Variants in CDH12 observed in about 807,000 individuals in gnomAD.
CDH12 encodes the protein cadherin 12.
Under a neutral mutation model 74.1 loss-of-function variants are expected in CDH12, and 41 were observed. The ratio of observed to expected loss-of-function variants is 0.55; its 90% confidence interval spans 0.43 to 0.72. CDH12 has a LOEUF of 0.72. Ranked by LOEUF, CDH12 falls within the 30% of genes least tolerant of loss-of-function variation. The pLI, the probability that CDH12 is intolerant of heterozygous loss-of-function variation, is 0.00. For synonymous variants in CDH12, 399 were observed against 355.0 expected (o/e 1.12, Z -1.39); for missense variants, 945 against 977.2 (o/e 0.97, Z 0.44).
At chr5:22,010,102 G>C (rs1408720901) in intron 5 of CDH12, among the ~76,000 whole-genome samples, 1 of 152,012 alleles carries the variant, frequency 6.6e-6, no homozygotes, top group Non-Finnish European at 1.5e-5. Flanking sequence ...ACTAAAAAAT[G>C]TATCTGAGAA....
intron 4 of CDH12, among the ~76,000 whole-genome samples, chr5:22,093,136 G>T (rs1280935472): frequency 6.6e-6 from 1 of 152,128 alleles, no homozygotes; most frequent in African/African-American, 2.4e-5. Flanking sequence ...GGGTCAGAGA[G>T]ATCCAAAGGG....
chr5:21,998,075 A>G (rs1434179857), intron 5 of CDH12, among the ~76,000 whole-genome samples: 2 of 152,100 alleles, frequency 1.3e-5, no homozygotes, highest in Non-Finnish European at 1.5e-5. Flanking sequence ...CAATATCTGT[A>G]TGTGAAGGAG....
At chr5:22,091,143 A>G (rs1291921782) in intron 4 of CDH12, among the ~76,000 whole-genome samples, 1 of 150,968 alleles carries the variant, frequency 6.6e-6, no homozygotes, top group Non-Finnish European at 1.5e-5. Flanking sequence ...ATTTGTCTCA[A>G]CTTGCAGATG....
At chr5:22,613,256 G>T (rs1333442944) in intron 1 of CDH12, among the ~76,000 whole-genome samples, 1 of 151,820 alleles carries the variant, frequency 6.6e-6, no homozygotes, top group Non-Finnish European at 1.5e-5. Flanking sequence ...AGTAAGTTTT[G>T]GTTAAGTTCT....
chr5:22,098,340 C>T (rs1301246042), intron 4 of CDH12, among the ~76,000 whole-genome samples: 1 of 152,140 alleles, frequency 6.6e-6, no homozygotes, highest in Non-Finnish European at 1.5e-5. Flanking sequence ...AAACCCCAAT[C>T]CCTTCTACAA....
chr5:21,854,687 A>G lies in CDH12; in HGVS notation c.630T>C (p.Ser210=), dbSNP rs1172287489. The G allele has an allele frequency of 1.9e-6, 3 of 1,587,322 alleles. No homozygotes were observed. Among genetic ancestry groups the G allele is most frequent in the Non-Finnish European group, 2.6e-6 (3 of 1,159,208 alleles). The part of the protein sequence containing the change: ...YSILQGQPYF[S]IDPKTGVIRT... ...AAAATTTACCTGTCTTGGGATCAAT[A>G]GAGAAATAAGGTTGTCCCTGAAGAA... is the stretch of plus-strand genomic sequence containing the variant. Residue 210 remains serine (S), a synonymous_variant, in exon 7 of 15, where the codon TCT becomes TCC. Coordinates refer to ENST00000382254, the MANE Select transcript of CDH12 (RefSeq NM_004061.5).
At chr5:21,756,332 TTGTA>T (rs1744395471) in intron 13 of CDH12, among the ~76,000 whole-genome samples, 1 of 152,110 alleles carries the variant, frequency 6.6e-6, no homozygotes, top group Admixed American at 6.6e-5. Context: ...TTATATATGT[TTGTA>T]TGTATGGGAA....
chr5:21,981,412 T>G (rs569868620), intron 5 of CDH12, among the ~76,000 whole-genome samples: 82 of 152,214 alleles, frequency 5.4e-4, no homozygotes, highest in African/African-American at 1.8e-3. Context: ...TTTCTACCCA[T>G]TTGTCTATCT....
At chr5:22,345,250 G>A (rs1269624158) in intron 3 of CDH12, among the ~76,000 whole-genome samples, 1 of 151,984 alleles carries the variant, frequency 6.6e-6, no homozygotes, top group African/African-American at 2.4e-5. Flanking sequence ...TGAGATTGCA[G>A]TCAATTATAG....
chr5:21,752,754 G>A (rs1744168548), intron 14 of CDH12, among the ~76,000 whole-genome samples: 2 of 151,978 alleles, frequency 1.3e-5, no homozygotes, highest in Admixed American at 1.3e-4. Context: ...AGGAAGGAAG[G>A]AAGAAAGGAA....
intron 6 of CDH12, among the ~76,000 whole-genome samples, chr5:21,903,131 A>C (rs1295950529): frequency 6.6e-6 from 1 of 152,122 alleles, no homozygotes; most frequent in Non-Finnish European, 1.5e-5. Flanking sequence ...ACAATTAAAT[A>C]AATAAAAATT....
intron 3 of CDH12, among the ~76,000 whole-genome samples, chr5:22,347,106 A>C (rs1740148996): frequency 6.6e-6 from 1 of 152,226 alleles, no homozygotes. Flanking sequence ...CCACTGCATC[A>C]GTATTTATTG....
Position 22,256,901 on chromosome 5 carries a change from T to G in CDH12, c.-332-44258A>C, listed in dbSNP as rs183349056. ...GACACATGCAAGTGTATGTTCACAA[T>G]AGCAAAGACATGGAATCAATCTAAA... On this transcript the variant is annotated intron_variant, in intron 3 of 14. Transcript: ENST00000382254. 5.3e-5 allele frequency among the ~76,000 whole-genome samples: 8 copies of G among 152,218 alleles called. No homozygotes were observed. In the East Asian group the frequency reaches 1.5e-3, roughly 29 times the overall value.
chr5:22,700,396 ACATGGG>A (rs2126958648), intron 1 of CDH12, among the ~76,000 whole-genome samples: 1 of 152,286 alleles, frequency 6.6e-6, no homozygotes, highest in Admixed American at 6.5e-5. Context: ...TCCCCTCACC[ACATGGG>A]CATGTGTCAA....
chr5:22,035,547 T>G (rs1346997250), intron 5 of CDH12, among the ~76,000 whole-genome samples: 2 of 152,102 alleles, frequency 1.3e-5, no homozygotes, highest in African/African-American at 2.4e-5. Context: ...ATATAATAGG[T>G]TGAAAATGTG....
At chr5:22,653,792 A>G in intron 1 of CDH12, among the ~76,000 whole-genome samples, 1 of 152,182 alleles carries the variant, frequency 6.6e-6, no homozygotes, top group Non-Finnish European at 1.5e-5. Context: ...ACACGTAGCT[A>G]TGTGATCATG....
intron 2 of CDH12, among the ~76,000 whole-genome samples, chr5:22,476,195 G>A (rs1746162170): frequency 1.3e-5 from 2 of 151,902 alleles, no homozygotes; most frequent in Non-Finnish European, 2.9e-5. Context: ...CATTAACGTT[G>A]ATATTAATTT....
intron 1 of CDH12, among the ~76,000 whole-genome samples, chr5:22,694,824 T>C (rs954874615): frequency 6.6e-6 from 1 of 151,924 alleles, no homozygotes; most frequent in African/African-American, 2.4e-5. Context: ...TATATACATA[T>C]ATATGTATAT....
intron 1 of CDH12, among the ~76,000 whole-genome samples, chr5:22,698,122 C>CTTTTT (rs10677695): frequency 0.027 from 2,460 of 91,106 alleles, 329 homozygotes; most frequent in Non-Finnish European, 0.036. Context: ...AAAGGCAGGG[C>CTTTTT]TTTTTTTTTT....
Sources: allele counts gnomAD v4.1 joint callset (sites outside exome capture counted in the v4.1 genomes callset), GRCh38; gene constraint gnomAD v4.1.1; transcripts MANE v1.5; gene names NCBI Gene and HGNC (gene_info 2026-07-23, HGNC 2026-07-21).